Variants in TMTC2 observed in about 807,000 individuals in gnomAD.
TMTC2 encodes protein O-mannosyl-transferase TMTC2.
TMTC2 carries 43 observed loss-of-function variants against 82.4 expected under a neutral mutation model. The observed-to-expected ratio is 0.52, with a 90% CI of 0.41 to 0.67. The LOEUF (loss-of-function observed/expected upper bound fraction) is 0.67. Among genes scored for constraint, TMTC2 ranks in the 30% least tolerant of loss-of-function variants. TMTC2 has a pLI of 0.00. For missense variants in TMTC2, 919 were observed against 1,012.4 expected, an observed-to-expected ratio of 0.91 and a Z score of 1.25; for synonymous variants, 408 against 381.9, an observed-to-expected ratio of 1.07 and a Z score of -0.80.
chr12:82,896,882 T>C (rs1224730526), intron 3 of TMTC2, among the ~76,000 whole-genome samples: 1 of 152,218 alleles, frequency 6.6e-6, no homozygotes, highest in Non-Finnish European at 1.5e-5. Context: ...ACTATGTTTG[T>C]CCAGAAGAAT....
intron 2 of TMTC2, among the ~76,000 whole-genome samples, chr12:82,872,785 T>C (rs540124483): frequency 3.5e-4 from 53 of 152,268 alleles, no homozygotes; most frequent in African/African-American, 1.1e-3. Context: ...CCTCTATTTA[T>C]ACAAAAAAGG....
At chr12:82,800,320 A>G (rs959374486) in intron 1 of TMTC2, among the ~76,000 whole-genome samples, 2 of 152,176 alleles carry the variant, frequency 1.3e-5, no homozygotes, top group African/African-American at 4.8e-5. Flanking sequence ...GGCCTATTCC[A>G]GGCCTGAGGG....
At position 82,978,601 on chromosome 12, in the gene TMTC2, G is replaced by T. The variant is rs1878783460; in HGVS notation, c.1949-7324G>T. 1.3e-5 allele frequency among the ~76,000 whole-genome samples: 2 copies of T among 151,624 alleles called. 1 individual carries two copies. The highest frequency in any genetic ancestry group is 4.2e-4 in the South Asian group (2 of 4,814). Reference sequence around the variant, plus strand: ...TTAGTTTTTCTAAGACTGCTTTGTGGCATAATATGTGGTCTATTCTTGAAA... The same window carrying T: ...TTAGTTTTTCTAAGACTGCTTTGTGTCATAATATGTGGTCTATTCTTGAAA... On this transcript the variant is annotated intron_variant, in intron 7 of 11. Transcript: ENST00000321196.
chr12:82,917,479 GGT>G (rs1875065234), intron 3 of TMTC2, among the ~76,000 whole-genome samples: 1 of 151,920 alleles, frequency 6.6e-6, no homozygotes, highest in Non-Finnish European at 1.5e-5. Flanking sequence ...TGTAAGGCAT[GGT>G]TTCTTCTTCT....
chr12:82,987,339 G>A (rs751624479), intron 8 of TMTC2, among the ~76,000 whole-genome samples: 86 of 146,748 alleles, frequency 5.9e-4, no homozygotes, highest in African/African-American at 2.0e-3. Flanking sequence ...CAGGAAAATC[G>A]CTTGAACCCA....
At chr12:82,980,385 A>T (rs552080714) in intron 7 of TMTC2, among the ~76,000 whole-genome samples, 4 of 151,990 alleles carry the variant, frequency 2.6e-5, no homozygotes, top group Admixed American at 1.3e-4. Flanking sequence ...GAAAATAAGC[A>T]TTACTTAAAA....
intron 9 of TMTC2, among the ~76,000 whole-genome samples, chr12:83,031,613 G>T (rs71450919): frequency 0.01 from 1,526 of 152,276 alleles, 33 homozygotes; most frequent in South Asian, 0.082. Flanking sequence ...GGAAAATGTG[G>T]TTTTTTGATC....
chr12:82,954,992 C>A (rs1877540381), intron 4 of TMTC2, among the ~76,000 whole-genome samples: 1 of 152,036 alleles, frequency 6.6e-6, no homozygotes, highest in African/African-American at 2.4e-5. Flanking sequence ...AGTATATCTT[C>A]TTGTATAGTT....
rs544603575 is a variant in TMTC2 at position 82,811,998 on chromosome 12, A to G, written c.84-45012A>G. ...ACACCTGGCTAATTTTTGTAATTTT[A>G]ATAGAGACATGGTTTCGCCATGTTG... On this transcript the variant is annotated intron_variant, in intron 1 of 11. Coordinates refer to ENST00000321196, the MANE Select transcript of TMTC2 (RefSeq NM_152588.3). 2.2e-4 allele frequency among the ~76,000 whole-genome samples: 33 copies of G among 151,778 alleles called. No individual in the cohort carries two copies. The East Asian group carries it at 3.5e-3, about 16-fold the overall frequency.
intron 1 of TMTC2, 51 bp downstream of exon 1, chr12:82,687,720 G>A: frequency 1.3e-6 from 2 of 1,545,016 alleles, no homozygotes; most frequent in South Asian, 1.2e-5. Context: ...ACACTCCGCA[G>A]TGGCTCTGAA....
chr12:83,054,132 C>T (rs778982285), intron 10 of TMTC2, among the ~76,000 whole-genome samples: 20 of 151,964 alleles, frequency 1.3e-4, no homozygotes, highest in Admixed American at 3.3e-4. Flanking sequence ...CCCTAAGTGA[C>T]GAAAGAGAGA....
intron 1 of TMTC2, among the ~76,000 whole-genome samples, chr12:82,740,278 A>G (rs1875331795): frequency 6.6e-6 from 1 of 152,196 alleles, no homozygotes; most frequent in African/African-American, 2.4e-5. Flanking sequence ...ATAGGTTTTC[A>G]TTTGTTGAGC....
Position 83,132,238 on chromosome 12 carries a change from C to T in TMTC2, c.2360C>T (p.Ala787Val). 1 of 1,612,700 alleles carries T rather than the reference C, an allele frequency of 6.2e-7. No individual in the cohort carries two copies. Among genetic ancestry groups the T allele is most frequent in the Non-Finnish European group, 8.5e-7 (1 of 1,179,478 alleles). Residue 787 changes from alanine (A) to valine (V), a missense_variant, in exon 12 of 12, where the codon GCC becomes GTC. Physicochemically the swap from Ala to Val is moderately conservative, Grantham distance 64. Transcript: ENST00000321196. ...CCGGCTGCTTTGATGAACCTGGGAG[C>T]CATTCTGCACCTCAATGGCAGACTC... ...NYPAALMNLG[A>V]ILHLNGRLQK...
At chr12:82,997,354 A>ATATATATATGTATATATATATATGTG (rs1565845040) in intron 8 of TMTC2, among the ~76,000 whole-genome samples, 2 of 28,900 alleles carry the variant, frequency 6.9e-5, no homozygotes, top group African/African-American at 2.1e-4. Context: ...GTGTGTATAT[A>ATATATATATGTATATATATATATGTG]TATATATATA....
chr12:82,800,253 AGCC>A (rs1878928083), intron 1 of TMTC2, among the ~76,000 whole-genome samples: 1 of 152,142 alleles, frequency 6.6e-6, no homozygotes, highest in African/African-American at 2.4e-5. Context: ...ATGAAATGAC[AGCC>A]AACAAGAAGG....
intron 7 of TMTC2, among the ~76,000 whole-genome samples, chr12:82,982,271 T>A (rs569129346): frequency 6.6e-6 from 1 of 151,994 alleles, no homozygotes; most frequent in South Asian, 2.1e-4. Flanking sequence ...GCCTTTGTCT[T>A]CATTCATAAA....
chr12:82,907,002 A>C (rs964946399), intron 3 of TMTC2, among the ~76,000 whole-genome samples: 1 of 152,254 alleles, frequency 6.6e-6, no homozygotes, highest in Non-Finnish European at 1.5e-5. Flanking sequence ...CAAGAATAAA[A>C]GGAAGGTATC....
At chr12:83,027,849 A>C (rs1026173671) in intron 8 of TMTC2, among the ~76,000 whole-genome samples, 1 of 152,156 alleles carries the variant, frequency 6.6e-6, no homozygotes, top group Non-Finnish European at 1.5e-5. Context: ...TTAAAATTTC[A>C]TAATATTGTT....
At chr12:82,705,875 C>T (rs1301071376) in intron 1 of TMTC2, among the ~76,000 whole-genome samples, 1 of 152,158 alleles carries the variant, frequency 6.6e-6, no homozygotes, top group Non-Finnish European at 1.5e-5. Flanking sequence ...CAAACAGCTA[C>T]TCTAAAATAG....
Sources: gnomAD v4.1 joint callset for allele counts (sites outside exome capture counted in the v4.1 genomes callset) on GRCh38, gnomAD v4.1.1 for gene constraint, MANE v1.5 for transcripts, NCBI Gene and HGNC (gene_info 2026-07-23, HGNC 2026-07-21) for gene names.